The following NR5A2 variants were observed in gnomAD, a reference collection of about 807,000 sequenced individuals.
NR5A2 encodes the protein nuclear receptor subfamily 5 group A member 2.
NR5A2 carries 26 observed loss-of-function variants against 62.7 expected under a neutral mutation model. The ratio of observed to expected loss-of-function variants is 0.41; its 90% CI spans 0.30 to 0.58. The LOEUF is 0.58. NR5A2 is among the 20% of genes least tolerant of loss of function. NR5A2 has a pLI of 0.22. For missense variants in NR5A2, 541 were observed against 669.1 expected (o/e 0.81, Z 2.11); for synonymous variants, 246 against 241.7 (o/e 1.02, Z -0.16).
chr1:200,042,589 G>C (rs927161739), intron 2 of NR5A2, among the ~76,000 whole-genome samples: 1 of 152,196 alleles, frequency 6.6e-6, no homozygotes, highest in Non-Finnish European at 1.5e-5. Flanking sequence ...ACTCGGCTGC[G>C]TGTTTGTGCG....
chr1:200,048,551 C>T lies in NR5A2; in HGVS notation c.843C>T (p.Pro281=), dbSNP rs776091744. 4.1e-5 allele frequency: 66 copies of T among 1,614,162 alleles called. No individual in the cohort carries two copies. In the Middle Eastern group the frequency reaches 8.2e-4, roughly 20 times the overall value. Residue 281 remains proline (P), a synonymous_variant, in exon 5 of 8, where the codon CCC becomes CCT. Coordinates refer to ENST00000367362, the MANE Select transcript of NR5A2 (RefSeq NM_205860.3). This position sits in a 1 kb window ranked among gnomAD's most constrained non-coding sequence, Gnocchi z 4.8. ...SEYPDPYTSS[P]ESIMGYSYMD... Reference sequence around the variant, plus strand: ...ACCCAGACCCCTATACCAGCTCACCCGAGTCCATAATGGGCTATTCATATA... The same window carrying T: ...ACCCAGACCCCTATACCAGCTCACCTGAGTCCATAATGGGCTATTCATATA...
intron 7 of NR5A2, among the ~76,000 whole-genome samples, chr1:200,129,263 T>TAC (rs367645103): frequency 1.3e-5 from 1 of 77,596 alleles, no homozygotes; most frequent in Admixed American, 1.6e-4. Flanking sequence ...CACACATACA[T>TAC]ACACACACAC....
At chr1:200,097,181 AACAC>A (rs1476746792) in intron 5 of NR5A2, among the ~76,000 whole-genome samples, 5 of 152,142 alleles carry the variant, frequency 3.3e-5, no homozygotes, top group African/African-American at 4.8e-5. Flanking sequence ...TTTCAAATAA[AACAC>A]ACACAAGATC....
Position 200,078,329 on chromosome 1 carries a change from A to G in NR5A2, c.1110+29511A>G, listed in dbSNP as rs911402211. On this transcript the variant is annotated intron_variant, in intron 5 of 7. Transcript: ENST00000367362. ...CCCAGCTACCTTGCTTTAGAACAGG[A>G]AAGGAATGAACTAAGGTGCACTTGC... Among the ~76,000 whole-genome samples, 3 of 152,200 alleles carry G rather than the reference A, an allele frequency of 2.0e-5. No individual in the cohort carries two copies. In the East Asian group the frequency reaches 5.8e-4, roughly 29 times the overall value.
chr1:200,164,384 G>T (rs1279342722), intron 7 of NR5A2, among the ~76,000 whole-genome samples: 1 of 152,178 alleles, frequency 6.6e-6, no homozygotes, highest in East Asian at 1.9e-4. Context: ...AGCCTGAAGG[G>T]CTCTGACCAT....
At chr1:200,085,562 A>T (rs1178953013) in intron 5 of NR5A2, among the ~76,000 whole-genome samples, 1 of 152,142 alleles carries the variant, frequency 6.6e-6, no homozygotes, top group Non-Finnish European at 1.5e-5. Context: ...TGGTTATCTA[A>T]AAAATTAAAT....
intron 7 of NR5A2, among the ~76,000 whole-genome samples, chr1:200,164,964 A>G (rs1227507412): frequency 7.9e-6 from 1 of 126,196 alleles, no homozygotes; most frequent in Non-Finnish European, 1.7e-5. Context: ...GCAACCTCCA[A>G]CTCCCGGATT....
intron 5 of NR5A2, among the ~76,000 whole-genome samples, chr1:200,104,639 A>T (rs1445841653): frequency 6.6e-6 from 1 of 152,120 alleles, no homozygotes; most frequent in African/African-American, 2.4e-5. Flanking sequence ...ATTCTGAAGC[A>T]TCTTCAAAAT....
At chr1:200,050,148 A>G (rs1214968189) in intron 5 of NR5A2, among the ~76,000 whole-genome samples, 1 of 152,196 alleles carries the variant, frequency 6.6e-6, no homozygotes, top group Non-Finnish European at 1.5e-5. Flanking sequence ...TTTTCCGAGT[A>G]TGTGTTAGGG....
chr1:200,169,908 A>G (rs979913351), intron 7 of NR5A2, among the ~76,000 whole-genome samples: 4 of 152,356 alleles, frequency 2.6e-5, no homozygotes, highest in African/African-American at 9.6e-5. Flanking sequence ...AGCCTTTGCA[A>G]TCCAGCCTAA....
chr1:200,112,965 A>G (rs1454477050), intron 6 of NR5A2, among the ~76,000 whole-genome samples: 2 of 152,166 alleles, frequency 1.3e-5, no homozygotes, highest in Non-Finnish European at 2.9e-5. Flanking sequence ...CTTTAGAAAT[A>G]TTTCTTATTT....
At chr1:200,156,301 C>A (rs1165106104) in intron 7 of NR5A2, among the ~76,000 whole-genome samples, 1 of 152,228 alleles carries the variant, frequency 6.6e-6, no homozygotes, top group African/African-American at 2.4e-5. Flanking sequence ...GAGGTCAGAG[C>A]AACTCAGAAT....
chr1:200,144,910 C>T (rs1258647739), intron 7 of NR5A2, among the ~76,000 whole-genome samples: 1 of 152,206 alleles, frequency 6.6e-6, no homozygotes, highest in East Asian at 1.9e-4. Flanking sequence ...GGATGGGGCC[C>T]AGGAATCTGC....
At chr1:200,081,271 G>A (rs1459591612) in intron 5 of NR5A2, among the ~76,000 whole-genome samples, 1 of 152,180 alleles carries the variant, frequency 6.6e-6, no homozygotes, top group Non-Finnish European at 1.5e-5. Context: ...AAATGTAGTT[G>A]TTTTCGTCAT....
chr1:200,070,661 C>T lies in NR5A2; in HGVS notation c.1110+21843C>T, dbSNP rs1663698398. On this transcript the variant is annotated intron_variant, in intron 5 of 7. Coordinates refer to ENST00000367362, the MANE Select transcript of NR5A2 (RefSeq NM_205860.3). ...CACCACTGCACTCCAGCCTAGGTGA[C>T]AGAGTGAGACTCTGTCTCAAAAAAA... Among the ~76,000 whole-genome samples the T allele has an allele frequency of 9.3e-5, 13 of 139,242 alleles. No homozygotes were observed. In the South Asian group the frequency reaches 3.1e-3, roughly 33 times the overall value. The allele number at this position is 139,242 out of a possible 152,430, so 91.3% of individuals were successfully genotyped here.
chr1:200,141,985 C>T (rs796141692), intron 7 of NR5A2, among the ~76,000 whole-genome samples: 12 of 152,208 alleles, frequency 7.9e-5, no homozygotes, highest in African/African-American at 2.9e-4. Context: ...TCATATGTCA[C>T]TTCTATGCAA....
In NR5A2 at chr1:200,048,216, C is replaced by T; in HGVS notation, c.508C>T (p.Pro170Ser). 3 of 1,613,726 alleles carry T rather than the reference C, an allele frequency of 1.9e-6. No individual in the cohort carries two copies. Among genetic ancestry groups the T allele is most frequent in the Non-Finnish European group, 1.7e-6 (2 of 1,179,862 alleles). Residue 170 changes from proline to serine, a missense_variant, in exon 5 of 8, where the codon CCA (proline) becomes TCA (serine). Coordinates refer to ENST00000367362, the MANE Select transcript of NR5A2 (RefSeq NM_205860.3). This position sits in a 1 kb window ranked among gnomAD's most constrained non-coding sequence, Gnocchi z 4.8. ...GCGTGGAGGAAGGAATAAGTTTGGG[C>T]CAATGTACAAGAGAGACAGGGCCCT... The part of the protein sequence containing the change: ...RMRGGRNKFG[P>S]MYKRDRALKQ...
chr1:200,132,604 A>G (rs568057961), intron 7 of NR5A2, among the ~76,000 whole-genome samples: 1 of 152,298 alleles, frequency 6.6e-6, no homozygotes, highest in South Asian at 2.1e-4. Flanking sequence ...CAGAGGCTTC[A>G]TGCCTCTTCA....
At position 200,129,368 on chromosome 1, in the gene NR5A2, G is replaced by A. The variant is rs1666863731; in HGVS notation, c.1378+8413G>A. 2.0e-5 allele frequency among the ~76,000 whole-genome samples: 3 copies of A among 151,814 alleles called. 1 individual carries two copies. In the South Asian group the frequency reaches 6.3e-4, roughly 32 times the overall value. ...ACTTAAGAGACAACAGAGATTTGTA[G>A]GAATAGCAAACATTCAGCCATTAAG... On this transcript the variant is annotated intron_variant, in intron 7 of 7. Coordinates refer to ENST00000367362, the MANE Select transcript of NR5A2 (RefSeq NM_205860.3).
Sources: gnomAD v4.1 joint callset for allele counts (sites outside exome capture counted in the v4.1 genomes callset) on GRCh38, gnomAD v4.1.1 for gene constraint, Gnocchi (gnomAD v3.1) non-coding constraint, MANE v1.5 for transcripts, NCBI Gene and HGNC (gene_info 2026-07-23, HGNC 2026-07-21) for gene names.